EIF2B3: variants seen among roughly 807,000 people sequenced by gnomAD.
The protein encoded by EIF2B3 is translation initiation factor eIF2B subunit gamma.
In EIF2B3, 20 loss-of-function variants were observed where a neutral mutation model predicts 54.1. That is an observed-to-expected ratio of 0.37 (90% confidence interval 0.26 to 0.54). The LOEUF is 0.54. Among genes scored for constraint, EIF2B3 ranks in the 20% least tolerant of loss-of-function variants. The pLI is 0.86. For synonymous variants in EIF2B3, 153 were observed against 188.1 expected, an observed-to-expected ratio of 0.81 and a Z score of 1.52; for missense variants, 448 against 547.8, an observed-to-expected ratio of 0.82 and a Z score of 1.82.
chr1:44,875,821 C>T, intron 8 of EIF2B3, 126 bp from the exon 9 acceptor site: 3 of 774,440 alleles, frequency 3.9e-6, no homozygotes, highest in Non-Finnish European at 6.7e-6. Flanking sequence ...TCCACGGTCT[C>T]CCTCTGATGC....
At chr1:44,927,234 CAAAG>C (rs1435460659) in intron 4 of EIF2B3, among the ~76,000 whole-genome samples, 1 of 151,882 alleles carries the variant, frequency 6.6e-6, no homozygotes. Flanking sequence ...AGGTAATTTA[CAAAG>C]AAAGATTTAT....
chr1:44,902,079 C>G (rs371504184), intron 5 of EIF2B3, among the ~76,000 whole-genome samples: 35 of 152,220 alleles, frequency 2.3e-4, no homozygotes, highest in African/African-American at 8.2e-4. Flanking sequence ...TGTTGAGTTG[C>G]CTGGACATCT....
chr1:44,930,778 C>T (rs1643890473), intron 4 of EIF2B3, among the ~76,000 whole-genome samples: 1 of 152,198 alleles, frequency 6.6e-6, no homozygotes. Context: ...GTAGCTGGGA[C>T]CACAGGCATG....
At chr1:44,958,512 C>T (rs1644251108) in intron 3 of EIF2B3, 8 of 1,139,800 alleles carry the variant, frequency 7.0e-6, no homozygotes, top group Non-Finnish European at 1.0e-5. Context: ...CTGCGTTTTT[C>T]TTTTATGGGC....
intron 10 of EIF2B3, among the ~76,000 whole-genome samples, chr1:44,863,605 T>G (rs938532222): frequency 2.0e-5 from 3 of 152,228 alleles, no homozygotes; most frequent in Non-Finnish European, 4.4e-5. Context: ...AGAACGCCTG[T>G]GTATCCACCA....
intron 11 of EIF2B3, 130 bp downstream of exon 11, chr1:44,857,573 TG>T (rs1351503860): frequency 3.5e-6 from 3 of 859,266 alleles, no homozygotes; most frequent in Non-Finnish European, 5.8e-6. Flanking sequence ...TCTCCAAAGA[TG>T]GCTTTATCAA....
At chr1:44,985,901 A>T (rs1459767045) in intron 1 of EIF2B3, among the ~76,000 whole-genome samples, 1 of 152,216 alleles carries the variant, frequency 6.6e-6, no homozygotes, top group East Asian at 1.9e-4. Flanking sequence ...AAACTGTATC[A>T]GAATTGGTCT....
intron 5 of EIF2B3, among the ~76,000 whole-genome samples, chr1:44,922,357 C>T (rs983627745): frequency 6.6e-6 from 1 of 151,156 alleles, no homozygotes; most frequent in African/African-American, 2.4e-5. Context: ...GAGGCCGAGG[C>T]GGGAGGGTCA....
intron 6 of EIF2B3, among the ~76,000 whole-genome samples, chr1:44,895,503 A>T (rs1027924388): frequency 2.6e-5 from 4 of 151,898 alleles, no homozygotes; most frequent in Admixed American, 1.3e-4. Flanking sequence ...GTATTTATTT[A>T]AAAAAAGCCT....
At chr1:44,874,977 T>G in intron 9 of EIF2B3, 151 bp from the exon 10 acceptor site, 1 of 958,420 alleles carries the variant, frequency 1.0e-6, no homozygotes, top group Non-Finnish European at 1.6e-6. Context: ...GGCCACAAGG[T>G]CATACAACAC....
At chr1:44,954,195 C>T (rs115080640) in intron 3 of EIF2B3, among the ~76,000 whole-genome samples, 1,637 of 152,222 alleles carry the variant, frequency 0.011, 33 homozygotes, top group African/African-American at 0.037. Context: ...AGATGAATTA[C>T]GAAATCAATA....
intron 10 of EIF2B3, among the ~76,000 whole-genome samples, chr1:44,860,628 T>C (rs1654577053): frequency 3.9e-5 from 6 of 152,172 alleles, no homozygotes; most frequent in Admixed American, 3.9e-4. Flanking sequence ...AATCCATAAT[T>C]TAATCATAAT....
intron 6 of EIF2B3, among the ~76,000 whole-genome samples, chr1:44,883,664 G>A (rs1655484392): frequency 6.6e-6 from 1 of 152,156 alleles, no homozygotes; most frequent in African/African-American, 2.4e-5. Context: ...AATTCTGGGG[G>A]AGGCTGATTT....
At position 44,913,109 on chromosome 1, in the gene EIF2B3, TAAAAAAAA is replaced by T. The variant is rs552977811; in HGVS notation, c.566+13511_566+13518del. Among the ~76,000 whole-genome samples the T allele has an allele frequency of 7.7e-5, 8 of 103,266 alleles. 1 individual carries two copies. Among genetic ancestry groups the T allele is most frequent in the South Asian group, 7.0e-4 (2 of 2,858 alleles). 67.7% of individuals were successfully genotyped at this position (103,266 alleles called of 152,430 possible). On this transcript the variant is annotated intron_variant, in intron 5 of 11. Transcript: ENST00000360403. ...GTGCAAAAGCAATTGCGGTTTTTGTTAAAAAAAAAAAAAAAAAAAAAAAAAGGCAAAAA... is the reference window on the plus strand; with the variant it reads ...GTGCAAAAGCAATTGCGGTTTTTGTTAAAAAAAAAAAAAAAAAGGCAAAAA...
At chr1:44,905,945 G>A (rs1030573757) in intron 5 of EIF2B3, among the ~76,000 whole-genome samples, 11 of 152,116 alleles carry the variant, frequency 7.2e-5, no homozygotes, top group African/African-American at 2.4e-4. Flanking sequence ...TCAACTCAGC[G>A]TGCCAGAACC....
Position 44,895,732 on chromosome 1 carries a change from AAAAC to A in EIF2B3, c.656+1619_656+1622del, listed in dbSNP as rs1260315603. Among the ~76,000 whole-genome samples, 27 of 152,312 alleles carry A rather than the reference AAAAC, an allele frequency of 1.8e-4. No homozygotes were observed. The East Asian group carries it at 5.2e-3, about 29-fold the overall frequency. On this transcript the variant is annotated intron_variant, in intron 6 of 11. Coordinates refer to ENST00000360403, the MANE Select transcript of EIF2B3 (RefSeq NM_020365.5). ...GGGGGAGAGAAACGGTGGCATATAT[AAAAC>A]AAAATTGACAATGAGTTGATAATTG...
At chr1:44,931,185 G>A (rs990661041) in intron 4 of EIF2B3, among the ~76,000 whole-genome samples, 1 of 152,148 alleles carries the variant, frequency 6.6e-6, no homozygotes, top group African/African-American at 2.4e-5. Context: ...TTCCAAGTTG[G>A]AAAGGCCCAA....
intron 3 of EIF2B3, among the ~76,000 whole-genome samples, chr1:44,952,604 G>C (rs1644178355): frequency 6.7e-6 from 1 of 148,802 alleles, no homozygotes; most frequent in South Asian, 2.1e-4. Context: ...CCAGGCTAGA[G>C]TGCAGTGGCG....
intron 4 of EIF2B3, among the ~76,000 whole-genome samples, chr1:44,934,724 T>C (rs1233704560): frequency 6.6e-6 from 1 of 152,084 alleles, no homozygotes; most frequent in Non-Finnish European, 1.5e-5. Context: ...AGACTGGTCT[T>C]GAATTCCTGA....
Sources: gnomAD v4.1 joint callset for allele counts (sites outside exome capture counted in the v4.1 genomes callset) on GRCh38, gnomAD v4.1.1 for gene constraint, MANE v1.5 for transcripts, NCBI Gene and HGNC (gene_info 2026-07-23, HGNC 2026-07-21) for gene names.